Variants in IL1RAPL2 observed in about 807,000 individuals in gnomAD.
IL1RAPL2 encodes the protein interleukin 1 receptor accessory protein like 2.
A neutral mutation model predicts 44.1 loss-of-function variants in IL1RAPL2; 3 were observed. The observed-to-expected ratio is 0.07, with a 90% confidence interval of 0.03 to 0.18. IL1RAPL2 has a LOEUF of 0.18. Ranked by LOEUF, IL1RAPL2 falls within the 10% of genes least tolerant of loss-of-function variation. The probability of loss-of-function intolerance (pLI) is 1.00; values close to 1 mark genes in which losing one functional copy is unlikely to be tolerated. For missense variants in IL1RAPL2, 391 were observed against 496.4 expected (o/e 0.79, Z 2.02); for synonymous variants, 181 against 178.8 (o/e 1.01, Z -0.10).
At chrX:104,592,125 AT>A (rs1209819393) in intron 1 of IL1RAPL2, among the ~76,000 whole-genome samples, 1 of 50,185 alleles carries the variant, frequency 2.0e-5, no homozygotes, top group African/African-American at 7.1e-5. Flanking sequence ...ATGCCATATG[AT>A]TTTTTTTAAT....
At chrX:105,327,005 C>CA (rs1443473783) in intron 5 of IL1RAPL2, among the ~76,000 whole-genome samples, 1 of 112,201 alleles carries the variant, frequency 8.9e-6, no homozygotes, top group Non-Finnish European at 1.9e-5. Flanking sequence ...GCCAATCTGA[C>CA]ACCAAGTGAG....
intron 5 of IL1RAPL2, among the ~76,000 whole-genome samples, chrX:105,290,590 T>G (rs1194158275): frequency 8.9e-6 from 1 of 111,786 alleles, no homozygotes; most frequent in Non-Finnish European, 1.9e-5. Flanking sequence ...AGATAATAAT[T>G]CAGGGTCTTC....
At chrX:104,750,579 A>G (rs1470889627) in intron 2 of IL1RAPL2, among the ~76,000 whole-genome samples, 1 of 110,967 alleles carries the variant, frequency 9.0e-6, no homozygotes, top group Admixed American at 9.7e-5. Flanking sequence ...ATTCCCGGGC[A>G]TTCAATGAAA....
chrX:104,751,172 AAGAC>A (rs1251519114), intron 2 of IL1RAPL2, among the ~76,000 whole-genome samples: 2 of 111,541 alleles, frequency 1.8e-5, no homozygotes, highest in African/African-American at 3.3e-5. Flanking sequence ...CTTTAACAGT[AAGAC>A]AGAGCTCTGA....
chrX:105,228,342 A>T (rs2034037249), intron 3 of IL1RAPL2, among the ~76,000 whole-genome samples: 1 of 112,035 alleles, frequency 8.9e-6, no homozygotes, highest in African/African-American at 3.2e-5. Flanking sequence ...TCCCTAATTT[A>T]TTTAGATTAT....
chrX:104,846,102 T>C (rs2045816994), intron 2 of IL1RAPL2, among the ~76,000 whole-genome samples: 1 of 111,894 alleles, frequency 8.9e-6, no homozygotes, highest in Admixed American at 9.5e-5. Flanking sequence ...AGTTATACTT[T>C]TGTAGAAATG....
chrX:105,673,331 C>T lies in IL1RAPL2; in HGVS notation c.773-44036C>T, dbSNP rs188584340. 1.1e-4 allele frequency among the ~76,000 whole-genome samples: 12 copies of T among 110,747 alleles called. No individual in the cohort carries two copies. In the East Asian group the frequency reaches 2.6e-3, roughly 24 times the overall value. ...ATACTCTCCCTACCCCCATCCCACT[C>T]GCTGACAGGCCCCAGTGTGTTGTTC... On this transcript the variant is annotated intron_variant, in intron 6 of 10. Transcript: ENST00000372582.
intron 5 of IL1RAPL2, among the ~76,000 whole-genome samples, chrX:105,324,743 A>C (rs7886649): frequency 0.11 from 12,532 of 111,823 alleles, 1,731 homozygotes; most frequent in African/African-American, 0.39. Flanking sequence ...AGGTTTTCAG[A>C]ATTCACACCT....
At chrX:105,480,379 A>G (rs1182882659) in intron 5 of IL1RAPL2, among the ~76,000 whole-genome samples, 2 of 112,081 alleles carry the variant, frequency 1.8e-5, no homozygotes, top group Non-Finnish European at 3.8e-5. Context: ...TAGGAAGAAG[A>G]AGGCAGTAAT....
chrX:104,845,215 T>A (rs1248051359), intron 2 of IL1RAPL2, among the ~76,000 whole-genome samples: 1 of 111,914 alleles, frequency 8.9e-6, no homozygotes, highest in East Asian at 2.8e-4. Flanking sequence ...AAACCCAAAG[T>A]TTGTTTTGGC....
At chrX:105,447,160 AAT>A (rs2035965896) in intron 5 of IL1RAPL2, among the ~76,000 whole-genome samples, 1 of 34,939 alleles carries the variant, frequency 2.9e-5, no homozygotes, top group African/African-American at 1.3e-4. Context: ...TATAAATATA[AAT>A]ATATATAAAT....
In IL1RAPL2 at chrX:104,696,466, G is replaced by A. The variant is rs182450743; in HGVS notation, c.82+37471G>A. ...AATGCAAGTGTGCATACAGTTATTT[G>A]TGTGCATATTAAAGTTTGAAAAACA... On this transcript the variant is annotated intron_variant, in intron 2 of 10. Transcript: ENST00000372582. Among the ~76,000 whole-genome samples, 6 of 111,995 alleles carry A rather than the reference G, an allele frequency of 5.4e-5. No homozygotes were observed. The East Asian group carries it at 1.7e-3, about 32-fold the overall frequency.
At chrX:104,635,553 T>G (rs972367687) in intron 1 of IL1RAPL2, among the ~76,000 whole-genome samples, 37 of 111,836 alleles carry the variant, frequency 3.3e-4, no homozygotes, top group African/African-American at 1.2e-3. Flanking sequence ...TTTTTATTCT[T>G]TTTTCTCTAA....
At chrX:105,286,237 A>C (rs1267516716) in intron 5 of IL1RAPL2, among the ~76,000 whole-genome samples, 1 of 110,733 alleles carries the variant, frequency 9.0e-6, no homozygotes, top group Admixed American at 9.7e-5. Context: ...TTCTTTTCTT[A>C]CCATTTACCC....
chrX:105,760,338 C>G (rs907957148), intron 10 of IL1RAPL2, among the ~76,000 whole-genome samples: 1 of 111,919 alleles, frequency 8.9e-6, no homozygotes, highest in African/African-American at 3.3e-5. Context: ...TGGCTTTGTT[C>G]CATGTTCATT....
At chrX:104,729,118 A>G (rs995920243) in intron 2 of IL1RAPL2, among the ~76,000 whole-genome samples, 4 of 111,136 alleles carry the variant, frequency 3.6e-5, no homozygotes, top group African/African-American at 1.3e-4. Context: ...TAAAAACTTC[A>G]CTCAATATGA....
intron 2 of IL1RAPL2, among the ~76,000 whole-genome samples, chrX:104,779,690 G>C (rs1364590262): frequency 8.9e-6 from 1 of 111,762 alleles, no homozygotes; most frequent in Non-Finnish European, 1.9e-5. Context: ...GCACAAGGAA[G>C]TTACATAGCT....
At chrX:104,724,925 G>A (rs747877790) in intron 2 of IL1RAPL2, among the ~76,000 whole-genome samples, 2 of 111,293 alleles carry the variant, frequency 1.8e-5, no homozygotes, top group Non-Finnish European at 3.8e-5. Flanking sequence ...TGGGATACAT[G>A]TACAGAATGT....
intron 2 of IL1RAPL2, among the ~76,000 whole-genome samples, chrX:104,934,470 G>A (rs1373077587): frequency 9.0e-6 from 1 of 111,356 alleles, no homozygotes; most frequent in African/African-American, 3.3e-5. Context: ...GAACAGAATT[G>A]ACAATGCTGA....
Sources: allele counts gnomAD v4.1 joint callset (sites outside exome capture counted in the v4.1 genomes callset), GRCh38; gene constraint gnomAD v4.1.1; transcripts MANE v1.5; gene names NCBI Gene and HGNC (gene_info 2026-07-23, HGNC 2026-07-21).